The following SLC25A53 variants were observed in gnomAD, a reference collection of about 807,000 sequenced individuals.
SLC25A53 encodes the protein mitochondrial carrier triple repeat protein 6.
SLC25A53 carries 5 observed loss-of-function variants against 15.0 expected under a neutral mutation model. The ratio of observed to expected loss-of-function variants is 0.33; its 90% CI spans 0.17 to 0.70. The LOEUF is 0.70. Among genes scored for constraint, SLC25A53 ranks in the 30% least tolerant of loss-of-function variants. The probability of loss-of-function intolerance (pLI) is 0.67; values close to 1 mark genes in which losing one functional copy is unlikely to be tolerated. For synonymous variants in SLC25A53, 95 were observed against 100.0 expected, an observed-to-expected ratio of 0.95 and a Z score of 0.30; for missense variants, 216 against 241.6, an observed-to-expected ratio of 0.89 and a Z score of 0.70.
chrX:104,113,427 G>C (rs1168698410), intron 1 of SLC25A53: 2 of 110,848 alleles, frequency 1.8e-5, no homozygotes. Flanking sequence ...CCTCCTTCGC[G>C]GCACAGTCTT....
At chrX:104,112,946 T>C (rs2147867392) in intron 1 of SLC25A53, 1 of 106,884 alleles carries the variant, frequency 9.4e-6, no homozygotes, top group South Asian at 4.3e-4. Context: ...AGGAAGGAGT[T>C]GTGGTTCATC....
intron 1 of SLC25A53, among the ~76,000 whole-genome samples, chrX:104,126,545 T>A (rs916653847): frequency 9.0e-6 from 1 of 110,657 alleles, no homozygotes; most frequent in Non-Finnish European, 1.9e-5. Context: ...TCCTGGGTAC[T>A]CAGGAGGCTG....
At chrX:104,115,162 T>C (rs1389180199) in intron 1 of SLC25A53, 2 of 1,207,252 alleles carry the variant, frequency 1.7e-6, no homozygotes, top group Admixed American at 2.2e-5. Context: ...CCGCTGCTCA[T>C]ATTGTGGGGA....
In SLC25A53 at chrX:104,099,669, A is replaced by C. The variant is rs2075272931; in HGVS notation, c.*4665T>G. Reference sequence around the variant, plus strand: ...TGTTTAGAGATGCTTATAAGGAAGAAAACTTATAAACAAAAGCAAAGAAAT... The same window carrying C: ...TGTTTAGAGATGCTTATAAGGAAGACAACTTATAAACAAAAGCAAAGAAAT... On this transcript the variant is annotated 3_prime_UTR_variant, in exon 2 of 2. Coordinates refer to ENST00000594199, the MANE Select transcript of SLC25A53 (RefSeq NM_001012755.5). The C allele has an allele frequency of 8.9e-6, 1 of 112,253 alleles. No individual in the cohort carries two copies. The highest frequency in any genetic ancestry group is 1.9e-5 in the Non-Finnish European group (1 of 53,271). 9.3% of individuals were successfully genotyped at this position (112,253 alleles called of 1,213,427 possible). A position where few individuals can be genotyped will look rare whatever the true frequency, so the allele number is the denominator to read the frequency against.
intron 1 of SLC25A53, among the ~76,000 whole-genome samples, chrX:104,129,839 C>T (rs1002426559): frequency 1.0e-4 from 9 of 88,616 alleles, no homozygotes; most frequent in African/African-American, 2.9e-4. Context: ...ACTACAAACA[C>T]ATATATATCC....
chrX:104,107,042 A>C (rs1357443729), intron 1 of SLC25A53, among the ~76,000 whole-genome samples: 3 of 91,527 alleles, frequency 3.3e-5, no homozygotes, highest in Admixed American at 1.3e-4. Flanking sequence ...ATCTCATTCT[A>C]TCCCCCCTGC....
intron 1 of SLC25A53, among the ~76,000 whole-genome samples, chrX:104,156,554 G>A (rs1556371492): frequency 9.0e-6 from 1 of 110,841 alleles, no homozygotes; most frequent in Non-Finnish European, 1.9e-5. Context: ...AGATGTACTG[G>A]TGCCCAGCAG....
intron 1 of SLC25A53, among the ~76,000 whole-genome samples, chrX:104,120,463 A>T (rs2075390101): frequency 1.8e-5 from 2 of 112,020 alleles, no homozygotes; most frequent in South Asian, 7.3e-4. Flanking sequence ...TACTACTATA[A>T]ATTAAATATT....
At chrX:104,119,237 G>T (rs2075386497) in intron 1 of SLC25A53, among the ~76,000 whole-genome samples, 1 of 112,171 alleles carries the variant, frequency 8.9e-6, no homozygotes, top group Admixed American at 9.5e-5. Flanking sequence ...ATGCAATTAT[G>T]TATTAATTCT....
intron 1 of SLC25A53, among the ~76,000 whole-genome samples, chrX:104,153,674 TAAA>T (rs1259127109): frequency 8.9e-6 from 1 of 112,312 alleles, no homozygotes; most frequent in Non-Finnish European, 1.9e-5. Context: ...CTTGAATATA[TAAA>T]AATCAGCAAG....
chrX:104,147,348 C>T (rs1364136689), intron 1 of SLC25A53, among the ~76,000 whole-genome samples: 3 of 111,106 alleles, frequency 2.7e-5, no homozygotes, highest in African/African-American at 9.8e-5. Context: ...ACCATAAAAA[C>T]CCTAGAAAAC....
chrX:104,119,612 C>T (rs1213165112), intron 1 of SLC25A53, among the ~76,000 whole-genome samples: 1 of 110,442 alleles, frequency 9.1e-6, no homozygotes, highest in Non-Finnish European at 1.9e-5. Context: ...TGGCTTTATA[C>T]TTCATTTCAT....
chrX:104,154,504 T>C (rs1437842208), intron 1 of SLC25A53, among the ~76,000 whole-genome samples: 1 of 112,468 alleles, frequency 8.9e-6, no homozygotes, highest in African/African-American at 3.2e-5. Flanking sequence ...GAATTTGAAA[T>C]CAGTATGTCG....
rs782283596 is a variant in SLC25A53 at position 104,120,710 on chromosome X, T to C, written c.-31-15422A>G. 2.7e-5 allele frequency among the ~76,000 whole-genome samples: 3 copies of C among 111,756 alleles called. No homozygotes were observed. In the South Asian group the frequency reaches 1.1e-3, roughly 42 times the overall value. On this transcript the variant is annotated intron_variant, in intron 1 of 1. Transcript: ENST00000594199. ...TTACTGCATCGACTGGGACCTAGAG[T>C]ACAACTAGTGAGAAGAGACATTCTT... is the stretch of plus-strand genomic sequence containing the variant.
chrX:104,102,980 A>C lies in SLC25A53; in HGVS notation c.*1354T>G, dbSNP rs1556353353. The stretch of plus-strand genomic sequence containing the variant: ...TGGAGAGACCCCATCTCTACTAAAA[A>C]TACAAAATTAGCCAGGCATGGTGGT... On this transcript the variant is annotated 3_prime_UTR_variant, in exon 2 of 2. Transcript: ENST00000594199. 1 of 110,323 alleles carries C rather than the reference A, an allele frequency of 9.1e-6. No homozygotes were observed. The allele number at this position is 110,323 out of a possible 1,213,427, so 9.1% of individuals were successfully genotyped here.
intron 1 of SLC25A53, among the ~76,000 whole-genome samples, chrX:104,123,887 T>A (rs2075402600): frequency 9.0e-6 from 1 of 110,734 alleles, no homozygotes; most frequent in Non-Finnish European, 1.9e-5. Context: ...GCAAAGGACA[T>A]GAACTCATCT....
At chrX:104,114,524 T>G in intron 1 of SLC25A53, 1 of 1,211,722 alleles carries the variant, frequency 8.3e-7, no homozygotes, top group Non-Finnish European at 1.1e-6. Context: ...TTTAACACCC[T>G]GCAGGCACAA....
At chrX:104,153,424 C>T (rs2075491526) in intron 1 of SLC25A53, among the ~76,000 whole-genome samples, 1 of 111,255 alleles carries the variant, frequency 9.0e-6, no homozygotes, top group African/African-American at 3.3e-5. Flanking sequence ...TGTGGTCCAT[C>T]GTTGACCAAA....
intron 1 of SLC25A53, chrX:104,113,466 C>G (rs1246980727): frequency 1.8e-5 from 2 of 111,181 alleles, no homozygotes; most frequent in African/African-American, 6.6e-5. Flanking sequence ...ATCTGCGACA[C>G]CCAGTGGACA....
Sources: allele counts gnomAD v4.1 joint callset (sites outside exome capture counted in the v4.1 genomes callset), GRCh38; gene constraint gnomAD v4.1.1; transcripts MANE v1.5; gene names NCBI Gene and HGNC (gene_info 2026-07-23, HGNC 2026-07-21).